The following BDNF variants were observed in gnomAD, a reference collection of about 807,000 sequenced individuals.
BDNF encodes brain derived neurotrophic factor, also known as neurotrophic factor BDNF precursor form.
Under a neutral mutation model 19.5 loss-of-function variants are expected in BDNF, and 1 was observed. The observed-to-expected ratio is 0.05, with a 90% CI of 0.02 to 0.24. The LOEUF is 0.24. Among genes scored for constraint, BDNF ranks in the 10% least tolerant of loss-of-function variants. The probability of loss-of-function intolerance (pLI) is 1.00; values close to 1 mark genes in which losing one functional copy is unlikely to be tolerated. For synonymous variants in BDNF, 100 were observed against 121.6 expected (o/e 0.82, Z 1.17); for missense variants, 195 against 317.6 (o/e 0.61, Z 2.93).
At chr11:27,668,181 C>T (rs533212360) in intron 1 of BDNF, among the ~76,000 whole-genome samples, 18 of 152,226 alleles carry the variant, frequency 1.2e-4, no homozygotes, top group East Asian at 3.9e-4. Flanking sequence ...GGGTACTTAA[C>T]GAAGTGAAGG....
rs945510399 is a variant in BDNF, at chr11:27,657,831, C to T, written c.734G>A (p.Arg245Lys). ...TSCVCTLTIK[R>K]GR ...TACAACATAAATCCACTATCTTCCC[C>T]TTTTAATGGTCAATGTACATACACA... is the stretch of plus-strand genomic sequence containing the variant. Residue 245 changes from arginine to lysine, a missense_variant, in exon 2 of 2, where the codon AGG becomes AAG. Around this residue, in one of 2 missense-constraint regions of BDNF, gnomAD observed 71 missense variants for 162.6 expected, o/e 0.44. Coordinates refer to ENST00000356660, the MANE Select transcript of BDNF (RefSeq NM_001709.5). This position sits in a 1 kb window ranked among gnomAD's most constrained non-coding sequence, Gnocchi z 5.0. The T allele has an allele frequency of 1.2e-6, 2 of 1,613,820 alleles. No homozygotes were observed. Among genetic ancestry groups the T allele is most frequent in the Non-Finnish European group, 1.7e-6 (2 of 1,179,700 alleles).
intron 1 of BDNF, among the ~76,000 whole-genome samples, chr11:27,667,581 A>C (rs1192474962): frequency 6.6e-6 from 1 of 152,222 alleles, no homozygotes; most frequent in Admixed American, 6.5e-5. Flanking sequence ...AGATCTACCA[A>C]GGAAATGGAA....
At chr11:27,688,506 G>C (rs1857808482) in intron 1 of BDNF, among the ~76,000 whole-genome samples, 1 of 152,220 alleles carries the variant, frequency 6.6e-6, no homozygotes, top group Non-Finnish European at 1.5e-5. Context: ...TGGCCACCCA[G>C]TTTTGTACTT....
At chr11:27,701,933 G>A (rs1486881287), upstream of BDNF, among the ~76,000 whole-genome samples, 1 of 152,080 alleles carries the variant, frequency 6.6e-6, no homozygotes. Context: ...ATTCGAGGGT[G>A]GGGGCAGAAC....
In BDNF at chr11:27,658,604, A is replaced by C; in HGVS notation, c.-21-19T>G. The C allele has an allele frequency of 6.2e-7, 1 of 1,614,198 alleles. No homozygotes were observed. ...GGTGGAACTGTAGGGAGAAAGCAGA[A>C]ACAAGACAGAAAACTGGTTAGGGCT... On this transcript the variant is annotated intron_variant, in intron 1 of 1. Coordinates refer to ENST00000356660, the MANE Select transcript of BDNF (RefSeq NM_001709.5). The surrounding 1 kb of genome is among the most constrained non-coding windows in gnomAD (Gnocchi z 5.7).
At chr11:27,685,704 T>C (rs1254945369) in intron 1 of BDNF, among the ~76,000 whole-genome samples, 3 of 152,188 alleles carry the variant, frequency 2.0e-5, no homozygotes, top group Non-Finnish European at 4.4e-5. Flanking sequence ...TGTAGTTGTA[T>C]GGTTTTGAGT....
chr11:27,715,485 G>A (rs770199136), intron 1 of BDNF, among the ~76,000 whole-genome samples: 7 of 152,204 alleles, frequency 4.6e-5, no homozygotes, highest in Non-Finnish European at 8.8e-5. Flanking sequence ...ACTAGAGGAA[G>A]AGTCCTGCTT....
chr11:27,664,142 A>G (rs1362097729), intron 1 of BDNF, among the ~76,000 whole-genome samples: 1 of 152,178 alleles, frequency 6.6e-6, no homozygotes, highest in East Asian at 1.9e-4. Flanking sequence ...AGACAGTCCT[A>G]TAAAGATAAT....
upstream of BDNF, chr11:27,700,757 G>A (rs1859840666): frequency 3.4e-6 from 4 of 1,190,302 alleles, no homozygotes; most frequent in Non-Finnish European, 4.2e-6. Context: ...CCGCGGCTTC[G>A]AGGGGTGTTC....
At position 27,678,426 on chromosome 11, in the gene BDNF, C is replaced by T. The variant is rs147141160; in HGVS notation, c.-21-19841G>A. ...CCAAAAGATGGAATCTAAACATAAACAGACATCAAGAGCGGGCTGACTTGC... is the reference window on the plus strand; with the variant it reads ...CCAAAAGATGGAATCTAAACATAAATAGACATCAAGAGCGGGCTGACTTGC... On this transcript the variant is annotated intron_variant, in intron 1 of 1. Coordinates refer to ENST00000356660, the MANE Select transcript of BDNF (RefSeq NM_001709.5). Among the ~76,000 whole-genome samples the T allele has an allele frequency of 2.5e-3, 376 of 152,338 alleles. 1 individual carries two copies. Among genetic ancestry groups the T allele is most frequent in the African/African-American group, 8.9e-3 (370 of 41,576 alleles).
chr11:27,678,752 T>C (rs746495978), intron 1 of BDNF, among the ~76,000 whole-genome samples: 4 of 152,118 alleles, frequency 2.6e-5, no homozygotes, highest in Non-Finnish European at 5.9e-5. Flanking sequence ...TAGAGGACCT[T>C]TTACCCCCAA....
intron 1 of BDNF, chr11:27,674,676 T>C (rs1855852657): frequency 1.0e-6 from 1 of 985,300 alleles, no homozygotes; most frequent in Non-Finnish European, 1.2e-6. Context: ...AATTTGGCGG[T>C]ACTGTGAACA....
chr11:27,711,563 T>G (rs1381293687), intron 1 of BDNF, among the ~76,000 whole-genome samples: 1 of 152,192 alleles, frequency 6.6e-6, no homozygotes, highest in Non-Finnish European at 1.5e-5. Flanking sequence ...ATCTGGGTGG[T>G]AGCTATAAGA....
In BDNF at chr11:27,680,517, A is replaced by G. The variant is rs144267468; in HGVS notation, c.-22+19647T>C. ...CCTGCCTAGAACTGATTTCCTATTC[A>G]GAGTGCCTTCCTAGCTGATAAGAAC... On this transcript the variant is annotated intron_variant, in intron 1 of 1. Coordinates refer to ENST00000356660, the MANE Select transcript of BDNF (RefSeq NM_001709.5). 3.6e-3 allele frequency among the ~76,000 whole-genome samples: 548 copies of G among 152,322 alleles called. 1 individual carries two copies. Among genetic ancestry groups the G allele is most frequent in the African/African-American group, 0.012 (519 of 41,578 alleles).
At position 27,658,949 on chromosome 11, in the gene BDNF, A is replaced by G. The variant is rs1426026118; in HGVS notation, c.-21-364T>C. Reference sequence around the variant, plus strand: ...ATGCTGTCACGAGAAACACAAAATCATAAATGTTACTAAGCAACAACTGCA... The same window carrying G: ...ATGCTGTCACGAGAAACACAAAATCGTAAATGTTACTAAGCAACAACTGCA... On this transcript the variant is annotated intron_variant, in intron 1 of 1. Transcript: ENST00000356660. The surrounding 1 kb of genome is among the most constrained non-coding windows in gnomAD (Gnocchi z 5.7). 1 of 1,130,746 alleles carries G rather than the reference A, an allele frequency of 8.8e-7. No individual in the cohort carries two copies. The highest frequency in any genetic ancestry group is 1.6e-5 in the African/African-American group (1 of 60,696). 70.0% of individuals were successfully genotyped at this position (1,130,746 alleles called of 1,614,324 possible). A position where few individuals can be genotyped will look rare whatever the true frequency, so the allele number is the denominator to read the frequency against.
chr11:27,684,262 CTT>C (rs1346409346), intron 1 of BDNF, among the ~76,000 whole-genome samples: 2 of 152,180 alleles, frequency 1.3e-5, no homozygotes, highest in African/African-American at 4.8e-5. Flanking sequence ...TATCCTGAGA[CTT>C]TGCTGAAGTT....
rs774437578 is a variant in BDNF, at chr11:27,657,809, A to C, written c.*12T>G. 6.2e-7 allele frequency: 1 copy of C among 1,611,888 alleles called. No homozygotes were observed. The highest frequency in any genetic ancestry group is 1.7e-5 in the Admixed American group (1 of 60,020). On this transcript the variant is annotated 3_prime_UTR_variant, in exon 2 of 2. Coordinates refer to ENST00000356660, the MANE Select transcript of BDNF (RefSeq NM_001709.5). The surrounding 1 kb of genome is among the most constrained non-coding windows in gnomAD (Gnocchi z 5.0). The stretch of plus-strand genomic sequence containing the variant: ...TGTCTCAATATAATCTAATCTATAC[A>C]ACATAAATCCACTATCTTCCCCTTT...
chr11:27,669,938 C>A (rs1347037853), intron 1 of BDNF, among the ~76,000 whole-genome samples: 1 of 152,148 alleles, frequency 6.6e-6, no homozygotes, highest in Non-Finnish European at 1.5e-5. Context: ...CAAAAAAGAG[C>A]CCGCATCGCC....
intron 1 of BDNF, among the ~76,000 whole-genome samples, chr11:27,694,243 T>G (rs1309866013): frequency 6.6e-6 from 1 of 152,218 alleles, no homozygotes; most frequent in Non-Finnish European, 1.5e-5. Context: ...TATTCACAAT[T>G]TCATAAGTGA....
Sources: gnomAD v4.1 joint callset for allele counts (sites outside exome capture counted in the v4.1 genomes callset) on GRCh38, gnomAD v4.1.1 for gene constraint, gnomAD v4.1.1 regional missense constraint, Gnocchi (gnomAD v3.1) non-coding constraint, MANE v1.5 for transcripts, NCBI Gene and HGNC (gene_info 2026-07-23, HGNC 2026-07-21) for gene names.